SEMA5A: variants seen among roughly 807,000 people sequenced by gnomAD.
The protein encoded by SEMA5A is semaphorin-5A.
A neutral mutation model predicts 135.5 loss-of-function variants in SEMA5A; 55 were observed. That is an observed-to-expected ratio of 0.41 (90% CI 0.33 to 0.51). SEMA5A has a LOEUF of 0.51. Ranked by LOEUF, SEMA5A falls within the 20% of genes least tolerant of loss-of-function variation. The pLI is 0.37. For synonymous variants in SEMA5A, 580 were observed against 546.5 expected (o/e 1.06, Z -0.85); for missense variants, 1,290 against 1,419.9 (o/e 0.91, Z 1.47).
At chr5:9,167,824 T>G (rs145178159) in intron 11 of SEMA5A, among the ~76,000 whole-genome samples, 69 of 152,298 alleles carry the variant, frequency 4.5e-4, no homozygotes, top group African/African-American at 1.5e-3. Context: ...GCCTTATCCT[T>G]ATTCATGACC....
At chr5:9,293,223 T>C (rs1345987664) in intron 5 of SEMA5A, among the ~76,000 whole-genome samples, 1 of 152,180 alleles carries the variant, frequency 6.6e-6, no homozygotes, top group South Asian at 2.1e-4. Context: ...AAGAATGTAG[T>C]GCAAGGAGGT....
At chr5:9,338,550 T>A (rs1753498695) in intron 3 of SEMA5A, among the ~76,000 whole-genome samples, 1 of 152,210 alleles carries the variant, frequency 6.6e-6, no homozygotes, top group African/African-American at 2.4e-5. Flanking sequence ...TTTTTGCAAC[T>A]TTCATTAGCT....
At chr5:9,499,730 C>G (rs914673596) in intron 1 of SEMA5A, among the ~76,000 whole-genome samples, 12 of 152,122 alleles carry the variant, frequency 7.9e-5, no homozygotes, top group Admixed American at 7.9e-4. Flanking sequence ...AATAACAAAA[C>G]CACAACCCCA....
At chr5:9,378,316 T>C (rs558739982) in intron 3 of SEMA5A, among the ~76,000 whole-genome samples, 1 of 152,302 alleles carries the variant, frequency 6.6e-6, no homozygotes, top group South Asian at 2.1e-4. Context: ...AGATAGTTTA[T>C]ATAGAAGTAT....
At chr5:9,178,031 C>T (rs1458067820) in intron 11 of SEMA5A, among the ~76,000 whole-genome samples, 2 of 152,110 alleles carry the variant, frequency 1.3e-5, no homozygotes, top group Non-Finnish European at 2.9e-5. Context: ...TCATTCAAAA[C>T]CAACAAAATT....
intron 5 of SEMA5A, among the ~76,000 whole-genome samples, chr5:9,295,482 C>A (rs1037638555): frequency 2.0e-5 from 3 of 151,878 alleles, no homozygotes; most frequent in Non-Finnish European, 4.4e-5. Flanking sequence ...TTAGGCTGGG[C>A]AGAATTTGAT....
intron 1 of SEMA5A, among the ~76,000 whole-genome samples, chr5:9,472,592 G>A (rs923036264): frequency 6.6e-6 from 1 of 152,016 alleles, no homozygotes; most frequent in African/African-American, 2.4e-5. Context: ...CTTGGGGGTT[G>A]GGAGGTGATG....
intron 3 of SEMA5A, among the ~76,000 whole-genome samples, chr5:9,372,039 A>G (rs1755158441): frequency 6.6e-6 from 1 of 152,234 alleles, no homozygotes. Flanking sequence ...TTATCATGCA[A>G]TCACACACAT....
At chr5:9,340,001 A>G (rs1246634400) in intron 3 of SEMA5A, among the ~76,000 whole-genome samples, 1 of 152,246 alleles carries the variant, frequency 6.6e-6, no homozygotes, top group Non-Finnish European at 1.5e-5. Flanking sequence ...ACAGTTACCA[A>G]ATTAAATGAA....
In SEMA5A at chr5:9,066,624, T is replaced by G; in HGVS notation, c.2096A>C (p.Asn699Thr). The change falls in exon 17 of 23, where the codon AAC (asparagine) becomes ACC (threonine). Residue 699 changes from asparagine to threonine, a missense_variant. Coordinates refer to ENST00000382496, the MANE Select transcript of SEMA5A (RefSeq NM_003966.3). ...CNVEYQSCNT[N>T]PCPELKKTTP... ...GGTCTTCTTCAGCTCAGGACACGGG[T>G]TGGTGTTGCAAGACTGGTACTCCTG... The G allele has an allele frequency of 6.2e-7, 1 of 1,614,056 alleles. No homozygotes were observed. Among genetic ancestry groups the G allele is most frequent in the Non-Finnish European group, 8.5e-7 (1 of 1,180,018 alleles).
intron 5 of SEMA5A, among the ~76,000 whole-genome samples, chr5:9,283,843 T>A (rs1750660795): frequency 6.6e-6 from 1 of 152,200 alleles, no homozygotes; most frequent in Non-Finnish European, 1.5e-5. Flanking sequence ...ATGCAAATGC[T>A]AGCATGTTCC....
chr5:9,379,714 A>G, intron 3 of SEMA5A, 109 bp downstream of exon 3: 1 of 1,314,160 alleles, frequency 7.6e-7, no homozygotes, highest in Non-Finnish European at 1.0e-6. Context: ...GTCTGAAACA[A>G]GAGCCACTGG....
intron 1 of SEMA5A, among the ~76,000 whole-genome samples, chr5:9,544,797 C>G (rs1322350117): frequency 1.3e-5 from 2 of 152,224 alleles, no homozygotes; most frequent in Non-Finnish European, 2.9e-5. Context: ...CCGCTCCAAG[C>G]CAGGCACCGG....
chr5:9,230,102 A>C (rs1016910187), intron 6 of SEMA5A, among the ~76,000 whole-genome samples: 2 of 150,358 alleles, frequency 1.3e-5, no homozygotes, highest in African/African-American at 4.9e-5. Flanking sequence ...CTCTCACCTC[A>C]GTCTCCCAAG....
Position 9,424,506 on chromosome 5 carries a change from G to A in SEMA5A, c.-78+13250C>T, listed in dbSNP as rs543826401. ...TCAAACATACTGCCAATATGTCAATGACCCCCAGATACACAGCTCTATTCC... is the reference window on the plus strand; with the variant it reads ...TCAAACATACTGCCAATATGTCAATAACCCCCAGATACACAGCTCTATTCC... On this transcript the variant is annotated intron_variant, in intron 2 of 22. Coordinates refer to ENST00000382496, the MANE Select transcript of SEMA5A (RefSeq NM_003966.3). Among the ~76,000 whole-genome samples the A allele has an allele frequency of 5.3e-5, 8 of 152,252 alleles. No homozygotes were observed. In the South Asian group the frequency reaches 1.7e-3, roughly 32 times the overall value.
intron 21 of SEMA5A, among the ~76,000 whole-genome samples, chr5:9,045,618 C>T (rs1280400323): frequency 7.9e-5 from 12 of 152,256 alleles, no homozygotes; most frequent in African/African-American, 2.4e-4. Context: ...TACTATCCTG[C>T]GTACCACTTT....
At chr5:9,209,261 T>C (rs1746215139) in intron 8 of SEMA5A, among the ~76,000 whole-genome samples, 1 of 152,230 alleles carries the variant, frequency 6.6e-6, no homozygotes, top group South Asian at 2.1e-4. Flanking sequence ...TCTGCTCTTA[T>C]TCCATTCCAA....
At chr5:9,275,408 G>C (rs1195983061) in intron 5 of SEMA5A, among the ~76,000 whole-genome samples, 1 of 152,122 alleles carries the variant, frequency 6.6e-6, no homozygotes, top group African/African-American at 2.4e-5. Context: ...AAGGTACAAA[G>C]AGAAGCTGGT....
intron 5 of SEMA5A, among the ~76,000 whole-genome samples, chr5:9,259,167 T>G (rs1269491700): frequency 6.6e-6 from 1 of 152,202 alleles, no homozygotes; most frequent in East Asian, 1.9e-4. Flanking sequence ...TCTAATTCTT[T>G]TGCTATCTGC....
Sources: gnomAD v4.1 joint callset for allele counts (sites outside exome capture counted in the v4.1 genomes callset) on GRCh38, gnomAD v4.1.1 for gene constraint, MANE v1.5 for transcripts, NCBI Gene and HGNC (gene_info 2026-07-23, HGNC 2026-07-21) for gene names.